Variants in PIK3R1 observed in about 807,000 individuals in gnomAD.
PIK3R1 encodes phosphatidylinositol 3-kinase regulatory subunit alpha.
Under a neutral mutation model 98.0 loss-of-function variants are expected in PIK3R1, and 29 were observed. The ratio of observed to expected loss-of-function variants is 0.30; its 90% CI spans 0.22 to 0.40. The LOEUF (loss-of-function observed/expected upper bound fraction) is 0.40. PIK3R1 is among the 10% of genes least tolerant of loss of function. The pLI is 1.00. For synonymous variants in PIK3R1, 282 were observed against 311.8 expected (o/e 0.90, Z 1.01); for missense variants, 596 against 872.7 (o/e 0.68, Z 3.99).
Position 68,292,248 on chromosome 5 carries a change from T to C in PIK3R1, c.917-11T>C. The C allele has an allele frequency of 6.3e-7, 1 of 1,584,290 alleles. No individual in the cohort carries two copies. Among genetic ancestry groups the C allele is most frequent in the South Asian group, 1.1e-5 (1 of 88,904 alleles). On this transcript the variant is annotated splice_polypyrimidine_tract_variant and intron_variant, in intron 7 of 15. Transcript: ENST00000521381. ...TGGGATTGCGAACAACTTTTTCTTTTTCATCTGCAGCACTGCCTCCTAAAC... is the reference window on the plus strand; with the variant it reads ...TGGGATTGCGAACAACTTTTTCTTTCTCATCTGCAGCACTGCCTCCTAAAC...
chr5:68,249,779 CGTTAACATAGA>C (rs1745232854), intron 2 of PIK3R1, among the ~76,000 whole-genome samples: 1 of 151,830 alleles, frequency 6.6e-6, no homozygotes, highest in African/African-American at 2.4e-5. Context: ...GGGTGGGGGG[CGTTAACATAGA>C]TACTTTCTCA....
intron 7 of PIK3R1, among the ~76,000 whole-genome samples, chr5:68,288,910 G>A (rs1452209749): frequency 6.6e-6 from 1 of 152,104 alleles, no homozygotes; most frequent in South Asian, 2.1e-4. Context: ...TCCTCGAGGG[G>A]GACAGTGGCT....
At chr5:68,293,600 C>A (rs771493800) in intron 10 of PIK3R1, 109 bp from the exon 11 acceptor site, 3 of 1,152,494 alleles carry the variant, frequency 2.6e-6, no homozygotes, top group Non-Finnish European at 3.7e-6. Flanking sequence ...ACTTGACACT[C>A]GTAATTACAT....
At chr5:68,263,930 A>G (rs1298151879) in intron 2 of PIK3R1, among the ~76,000 whole-genome samples, 1 of 152,052 alleles carries the variant, frequency 6.6e-6, no homozygotes, top group Non-Finnish European at 1.5e-5. Context: ...TTTTACTAAG[A>G]TTTCATTTTG....
intron 7 of PIK3R1, among the ~76,000 whole-genome samples, chr5:68,281,475 C>T (rs1746834217): frequency 6.6e-6 from 1 of 152,090 alleles, no homozygotes. Context: ...ACCAGTGTTC[C>T]CTGCAGCAAG....
In PIK3R1 at chr5:68,282,811, C is replaced by T. The variant is rs142497690; in HGVS notation, c.916+1805C>T. Reference sequence around the variant, plus strand: ...AGCCTTGAACATTTGCTAGATCATCCCAGTATTTATGTGGCCTCTTAAAAA... The same window carrying T: ...AGCCTTGAACATTTGCTAGATCATCTCAGTATTTATGTGGCCTCTTAAAAA... On this transcript the variant is annotated intron_variant, in intron 7 of 15. Coordinates refer to ENST00000521381, the MANE Select transcript of PIK3R1 (RefSeq NM_181523.3). Among the ~76,000 whole-genome samples, 598 of 152,244 alleles carry T rather than the reference C, an allele frequency of 3.9e-3. 3 individuals are homozygous for T. Among genetic ancestry groups the T allele is most frequent in the African/African-American group, 0.014 (569 of 41,540 alleles).
chr5:68,246,747 C>T (rs936456889), intron 2 of PIK3R1, among the ~76,000 whole-genome samples: 3 of 152,240 alleles, frequency 2.0e-5, no homozygotes, highest in African/African-American at 7.2e-5. Context: ...CCTCAGCCTC[C>T]CGAGTAGCTG....
chr5:68,271,430 G>T (rs947191531), intron 2 of PIK3R1, among the ~76,000 whole-genome samples: 10 of 152,124 alleles, frequency 6.6e-5, no homozygotes, highest in African/African-American at 2.4e-4. Flanking sequence ...TTGTCTTCAG[G>T]GATAGCTTTA....
At chr5:68,248,577 C>A (rs996090272) in intron 2 of PIK3R1, among the ~76,000 whole-genome samples, 5 of 152,016 alleles carry the variant, frequency 3.3e-5, no homozygotes, top group Non-Finnish European at 5.9e-5. Flanking sequence ...TTTTTCTTTA[C>A]GTCTGTTCAT....
At chr5:68,286,638 T>C (rs1473035337) in intron 7 of PIK3R1, among the ~76,000 whole-genome samples, 2 of 152,262 alleles carry the variant, frequency 1.3e-5, no homozygotes, top group Non-Finnish European at 2.9e-5. Flanking sequence ...TGATTGTACA[T>C]ATTGTGAGAA....
At chr5:68,288,524 G>C in intron 7 of PIK3R1, 1 of 1,365,930 alleles carries the variant, frequency 7.3e-7, no homozygotes, top group African/African-American at 1.5e-5. Context: ...GAGCCGAGCC[G>C]AGCCAAGCGG....
Position 68,226,827 on chromosome 5 carries a change from A to G in PIK3R1, c.152A>G (p.Glu51Gly), listed in dbSNP as rs1561258126. Residue 51 changes from glutamate (E) to glycine (G), a missense_variant, in exon 2 of 16, where the codon GAA becomes GGA. Around this residue, in one of 3 missense-constraint regions of PIK3R1, gnomAD observed 352 missense variants for 393.3 expected, o/e 0.90. Transcript: ENST00000521381. Reference protein sequence around the residue: ...GFSDGQEARPEEIGWLNGYNE... With the variant: ...GFSDGQEARPGEIGWLNGYNE... The stretch of plus-strand genomic sequence containing the variant: ...AGTGATGGACAGGAAGCCAGGCCTG[A>G]AGAAATTGGCTGGTTAAATGGCTAT... 1 of 1,614,118 alleles carries G rather than the reference A, an allele frequency of 6.2e-7. No individual in the cohort carries two copies. The highest frequency in any genetic ancestry group is 1.7e-5 in the Admixed American group (1 of 60,014).
At chr5:68,256,065 A>G (rs1041481072) in intron 2 of PIK3R1, among the ~76,000 whole-genome samples, 9 of 152,228 alleles carry the variant, frequency 5.9e-5, no homozygotes, top group Non-Finnish European at 1.2e-4. Flanking sequence ...AAAATAGTGC[A>G]TAGTTCAAAG....
chr5:68,287,052 A>C (rs1183318237), intron 7 of PIK3R1, among the ~76,000 whole-genome samples: 1 of 152,212 alleles, frequency 6.6e-6, no homozygotes, highest in Non-Finnish European at 1.5e-5. Flanking sequence ...TTGTGGGTTT[A>C]ACAGCACTTT....
In PIK3R1 at chr5:68,295,190, A is replaced by C. The variant is rs1434606389; in HGVS notation, c.1611A>C (p.Glu537Asp). The change falls in exon 13 of 16, where the codon GAA becomes GAC. Residue 537 changes from glutamate to aspartate, a missense_variant. Physicochemically the swap from Glu to Asp is conservative, Grantham distance 45 (BLOSUM62 2). Coordinates refer to ENST00000521381, the MANE Select transcript of PIK3R1 (RefSeq NM_181523.3). ...NYDKLKSRIS[E>D]IIDSRRRLEE... is the part of the protein sequence containing the mutation. Reference sequence around the variant, plus strand: ...ATAAGTTGAAGTCTCGAATCAGTGAAATTATTGACAGTAGAAGAAGATTGG... The same window carrying C: ...ATAAGTTGAAGTCTCGAATCAGTGACATTATTGACAGTAGAAGAAGATTGG... 1.2e-6 allele frequency: 2 copies of C among 1,614,024 alleles called. No homozygotes were observed. The highest frequency in any genetic ancestry group is 8.5e-7 in the Non-Finnish European group (1 of 1,179,914).
At chr5:68,265,729 A>G (rs955623903) in intron 2 of PIK3R1, among the ~76,000 whole-genome samples, 9 of 152,306 alleles carry the variant, frequency 5.9e-5, no homozygotes, top group Non-Finnish European at 8.8e-5. Context: ...TGACTTCCAC[A>G]TCTGACTTTA....
At chr5:68,263,189 A>ATCTACATATATATCTATATATATATT (rs1437450496) in intron 2 of PIK3R1, among the ~76,000 whole-genome samples, 1 of 138,506 alleles carries the variant, frequency 7.2e-6, no homozygotes, top group African/African-American at 2.8e-5. Flanking sequence ...ATATACATAT[A>ATCTACATATATATCTATATATATATT]TCTACATATA....
At chr5:68,278,813 A>G (rs1310985527) in intron 4 of PIK3R1, among the ~76,000 whole-genome samples, 5 of 152,048 alleles carry the variant, frequency 3.3e-5, no homozygotes, top group African/African-American at 4.8e-5. Context: ...GGTGGTACAC[A>G]CCTGTAATCC....
intron 1 of PIK3R1, among the ~76,000 whole-genome samples, chr5:68,218,121 T>C (rs1743968795): frequency 6.6e-6 from 1 of 152,054 alleles, no homozygotes; most frequent in Admixed American, 6.6e-5. Context: ...AGTTTAAATA[T>C]ACTAAGCGCA....
Sources: gnomAD v4.1 joint callset for allele counts (sites outside exome capture counted in the v4.1 genomes callset) on GRCh38, gnomAD v4.1.1 for gene constraint, gnomAD v4.1.1 regional missense constraint, MANE v1.5 for transcripts, NCBI Gene and HGNC (gene_info 2026-07-23, HGNC 2026-07-21) for gene names.